The following LHX8 variants were observed in gnomAD, a reference collection of about 807,000 sequenced individuals.
LHX8 encodes the protein LIM homeobox 8.
A neutral mutation model predicts 40.3 loss-of-function variants in LHX8; 12 were observed. The observed-to-expected ratio is 0.30, with a 90% CI of 0.19 to 0.48. The LOEUF is 0.48. LHX8 is among the 20% of genes least tolerant of loss of function. The pLI is 0.99. For synonymous variants in LHX8, 179 were observed against 162.0 expected, an observed-to-expected ratio of 1.10 and a Z score of -0.80; for missense variants, 344 against 433.7, an observed-to-expected ratio of 0.79 and a Z score of 1.84.
intron 1 of LHX8, among the ~76,000 whole-genome samples, chr1:75,136,131 A>G (rs1648118726): frequency 2.0e-5 from 3 of 152,126 alleles, no homozygotes; most frequent in Admixed American, 6.6e-5. Context: ...TGCTCTTTTA[A>G]TTGAGGTTAT....
rs1189132113 is a variant in LHX8 at position 75,136,544 on chromosome 1, C to CG, written c.-12-59_-12-58insG. On this transcript the variant is annotated intron_variant, in intron 1 of 8. Transcript: ENST00000356261. ...CTCCCCGCGCCGAGGCTGGGGCGGG[C>CG]AGCACGCTCGGAACTTCTGATCTGT... is the stretch of plus-strand genomic sequence containing the variant. 6.4e-6 allele frequency: 8 copies of CG among 1,254,696 alleles called. No individual in the cohort carries two copies. The African/African-American group carries it at 1.0e-4, about 16-fold the overall frequency. 77.7% of individuals were successfully genotyped at this position (1,254,696 alleles called of 1,614,324 possible). A position where few individuals can be genotyped will look rare whatever the true frequency, so the allele number is the denominator to read the frequency against.
chr1:75,196,433 G>A, the LHX8 span, among the ~76,000 whole-genome samples: 1 of 152,124 alleles, frequency 6.6e-6, no homozygotes, highest in African/African-American at 2.4e-5. Context: ...CAATACACAT[G>A]GCACTCTTTA....
chr1:75,157,039 T>C lies in LHX8; in HGVS notation c.927T>C (p.Asp309=). ...EMAYSAYVPQ[D]GTMLTALHSY... ...CTTATTCTGCCTACGTGCCCCAAGA[T>C]GGAACGATGTTAACTGCGCTGCATA... The change falls in exon 8 of 9, where the codon GAT becomes GAC. Residue 309 remains aspartate, a synonymous_variant. Coordinates refer to ENST00000356261, the MANE Select transcript of LHX8 (RefSeq NM_001256114.2). The C allele has an allele frequency of 1.2e-6, 2 of 1,614,170 alleles. No homozygotes were observed. The highest frequency in any genetic ancestry group is 1.6e-4 in the Middle Eastern group (1 of 6,062).
the LHX8 span, among the ~76,000 whole-genome samples, chr1:75,171,149 T>C: frequency 6.6e-6 from 1 of 152,290 alleles, no homozygotes; most frequent in East Asian, 1.9e-4. Context: ...GTCAAAAAGT[T>C]AGAATAATTA....
At chr1:75,138,084 TGTG>T (rs1648205024) in intron 3 of LHX8, among the ~76,000 whole-genome samples, 1 of 152,198 alleles carries the variant, frequency 6.6e-6, no homozygotes, top group African/African-American at 2.4e-5. Context: ...CTTAAAATAT[TGTG>T]GGGGAATTTT....
At chr1:75,141,935 G>A (rs1028652131) in intron 4 of LHX8, among the ~76,000 whole-genome samples, 1 of 152,036 alleles carries the variant, frequency 6.6e-6, no homozygotes, top group Non-Finnish European at 1.5e-5. Context: ...AAAGAGTTTA[G>A]TGATTAATTT....
chr1:75,159,966 G>T (rs1352527167), intron 8 of LHX8: 1 of 152,152 alleles, frequency 6.6e-6, no homozygotes, highest in East Asian at 1.9e-4. Context: ...TTCTGTTGTT[G>T]TTTTTAACTA....
chr1:75,135,664 G>C (rs1648103477), intron 1 of LHX8, among the ~76,000 whole-genome samples: 1 of 152,226 alleles, frequency 6.6e-6, no homozygotes, highest in African/African-American at 2.4e-5. Context: ...TCTAAGCCCA[G>C]GGACGCTGCG....
chr1:75,148,662 T>C lies in LHX8; in HGVS notation c.760T>C (p.Leu254=). 1.2e-6 allele frequency: 2 copies of C among 1,613,036 alleles called. No homozygotes were observed. Among genetic ancestry groups the C allele is most frequent in the Non-Finnish European group, 1.7e-6 (2 of 1,179,596 alleles). ...CCAGAAATTGGCAGAAAGGACAGGCTTGAGCAGACGTGTGATACAGGTGAT... is the reference window on the plus strand; with the variant it reads ...CCAGAAATTGGCAGAAAGGACAGGCCTGAGCAGACGTGTGATACAGGTGAT... The part of the protein sequence containing the change: ...TLQKLAERTG[L]SRRVIQVWFQ... The change falls in exon 7 of 9, where the codon TTG becomes CTG. Residue 254 remains leucine (L), a synonymous_variant. Coordinates refer to ENST00000356261, the MANE Select transcript of LHX8 (RefSeq NM_001256114.2).
chr1:75,170,052 C>T, the LHX8 span, among the ~76,000 whole-genome samples: 1 of 152,158 alleles, frequency 6.6e-6, no homozygotes, highest in Non-Finnish European at 1.5e-5. Flanking sequence ...AGAGAAATGG[C>T]CACTATGTGC....
At chr1:75,154,567 A>G (rs1377540936) in intron 7 of LHX8, among the ~76,000 whole-genome samples, 1 of 152,120 alleles carries the variant, frequency 6.6e-6, no homozygotes, top group Non-Finnish European at 1.5e-5. Context: ...GGGTCCCATA[A>G]GGGAAAAAGG....
chr1:75,166,233 C>T (rs1424621478), downstream of LHX8, among the ~76,000 whole-genome samples: 1 of 152,172 alleles, frequency 6.6e-6, no homozygotes, highest in East Asian at 1.9e-4. Flanking sequence ...TACACATTCT[C>T]CAGCAAAGTG....
At position 75,140,989 on chromosome 1, in the gene LHX8, A is replaced by G; in HGVS notation, c.242A>G (p.Asn81Ser). The G allele has an allele frequency of 1.2e-6, 2 of 1,613,594 alleles. No individual in the cohort carries two copies. The highest frequency in any genetic ancestry group is 1.7e-5 in the Admixed American group (1 of 60,022). Residue 81 changes from asparagine (N) to serine (S), a missense_variant, in exon 4 of 9, where the codon AAT (asparagine) becomes AGT (serine). By Grantham distance (46) the Asn-to-Ser change is conservative (BLOSUM62 1). Coordinates refer to ENST00000356261, the MANE Select transcript of LHX8 (RefSeq NM_001256114.2). ...EIVDKYLLKV[N>S]DLCWHVRCLS... ...TGGCTTCTCTTCCCTTCACAGGTGAATGACCTATGCTGGCATGTCCGGTGT... is the reference window on the plus strand; with the variant it reads ...TGGCTTCTCTTCCCTTCACAGGTGAGTGACCTATGCTGGCATGTCCGGTGT...
At chr1:75,136,840 G>GGGGGGGGGGGGA in intron 2 of LHX8, 151 bp downstream of exon 2, 1 of 448,624 alleles carries the variant, frequency 2.2e-6, no homozygotes, top group Non-Finnish European at 4.2e-6. Context: ...GGTGGGGTGG[G>GGGGGGGGGGGGA]AAGCTTAGCT....
intron 2 of LHX8, among the ~76,000 whole-genome samples, 172 bp downstream of exon 2, chr1:75,136,861 G>T (rs1648156570): frequency 6.6e-6 from 1 of 151,944 alleles, no homozygotes; most frequent in African/African-American, 2.4e-5. Flanking sequence ...GGCCCGCGAG[G>T]AGGGCAGGGC....
chr1:75,166,437 T>TTA (rs1223655817), downstream of LHX8, among the ~76,000 whole-genome samples: 1 of 152,214 alleles, frequency 6.6e-6, no homozygotes, highest in Admixed American at 6.5e-5. Flanking sequence ...CCCAAAGGAA[T>TTA]TATGATGCCA....
At chr1:75,176,503 AC>A in the LHX8 span, among the ~76,000 whole-genome samples, 1 of 152,128 alleles carries the variant, frequency 6.6e-6, no homozygotes, top group East Asian at 1.9e-4. Context: ...TCCTTTGCCC[AC>A]TTTTTGATGG....
chr1:75,128,846 C>G (rs1325780833), intron 1 of LHX8, among the ~76,000 whole-genome samples: 1 of 152,178 alleles, frequency 6.6e-6, no homozygotes, highest in Non-Finnish European at 1.5e-5. Flanking sequence ...CTAGTTGCCA[C>G]GACAGAGGTG....
Position 75,161,100 on chromosome 1 carries a change from A to G in LHX8, c.*205A>G. On this transcript the variant is annotated 3_prime_UTR_variant, in exon 9 of 9. Transcript: ENST00000356261. ...ATTTTTTGTAAAACTTATGTTTACA[A>G]GAAGAAAACAAATCAAAACATTTTT... The G allele has an allele frequency of 1.8e-6, 1 of 560,124 alleles. No individual in the cohort carries two copies. The highest frequency in any genetic ancestry group is 2.1e-5 in the South Asian group (1 of 46,776). 34.7% of individuals were successfully genotyped at this position (560,124 alleles called of 1,614,324 possible). A position where few individuals can be genotyped will look rare whatever the true frequency, so the allele number is the denominator to read the frequency against.
Sources: allele counts gnomAD v4.1 joint callset (sites outside exome capture counted in the v4.1 genomes callset), GRCh38; gene constraint gnomAD v4.1.1; transcripts MANE v1.5; gene names NCBI Gene and HGNC (gene_info 2026-07-23, HGNC 2026-07-21).